Variants in LINGO3 observed in about 807,000 individuals in gnomAD.
LINGO3 encodes leucine rich repeat and Ig domain containing 3.
For missense variants in LINGO3, 750 were observed against 867.7 expected (o/e 0.86, Z 1.70); for synonymous variants, 427 against 444.2 (o/e 0.96, Z 0.49).
chr19:2,296,528 G>A (rs2025573260), upstream of LINGO3, among the ~76,000 whole-genome samples: 1 of 151,978 alleles, frequency 6.6e-6, no homozygotes, highest in South Asian at 2.1e-4. Context: ...GCCTGGGCTG[G>A]AATGCAATGG....
At position 2,291,633 on chromosome 19, in the gene LINGO3, C is replaced by G. The variant is rs763049878; in HGVS notation, c.144G>C (p.Val48=). 7 of 1,448,984 alleles carry G rather than the reference C, an allele frequency of 4.8e-6. No homozygotes were observed. The South Asian group carries it at 9.8e-5, about 20-fold the overall frequency. The allele number at this position is 1,448,984 out of a possible 1,614,324, so 89.8% of individuals were successfully genotyped here. Residue 48 remains valine, a synonymous_variant, in exon 1 of 1, where the codon GTG becomes GTC. Coordinates refer to ENST00000585527, the Ensembl canonical transcript of LINGO3. ...GGGTCTCGGCCGGGATGCCGTCGGG[C>G]ACGGCGGTCAGGCGGCGGCGCGTGC...
At chr19:2,302,654 C>CCGGTCT in the LINGO3 span, among the ~76,000 whole-genome samples, 6 of 152,232 alleles carry the variant, frequency 3.9e-5, no homozygotes, top group Non-Finnish European at 8.8e-5. Context: ...GCTCTGCTGC[C>CCGGTCT]CGGTCTCGGG....
the LINGO3 span, among the ~76,000 whole-genome samples, chr19:2,300,019 G>GCC: frequency 8.0e-6 from 1 of 125,058 alleles, no homozygotes; most frequent in South Asian, 2.8e-4. Flanking sequence ...CACATGCCTG[G>GCC]CCTCTTTTTT....
chr19:2,304,710 C>CTTTTTTTTT, the LINGO3 span, among the ~76,000 whole-genome samples: 7 of 73,212 alleles, frequency 9.6e-5, 1 homozygote, highest in Non-Finnish European at 1.5e-4. Context: ...CCATGTCCTG[C>CTTTTTTTTT]TTTTTTTTTT....
rs2145085502 is a variant in LINGO3 at position 2,290,487 on chromosome 19, G to A, written c.1290C>T (p.Arg430=). Residue 430 remains arginine (R), a synonymous_variant, in exon 1 of 1, where the codon CGC becomes CGT. Transcript: ENST00000585527. The surrounding 1 kb of genome is among the most constrained non-coding windows in gnomAD (Gnocchi z 6.0). The stretch of plus-strand genomic sequence containing the variant: ...CGGTGGGCGCCGGCTCGCCCTCGGC[G>A]CGGCAGAGGAAGCGGACGTCTTCGC... 6.7e-7 allele frequency: 1 copy of A among 1,481,980 alleles called. No individual in the cohort carries two copies. Among genetic ancestry groups the A allele is most frequent in the Non-Finnish European group, 8.9e-7 (1 of 1,121,746 alleles). The allele number at this position is 1,481,980 out of a possible 1,614,324, so 91.8% of individuals were successfully genotyped here.
At chr19:2,305,247 C>T in the LINGO3 span, among the ~76,000 whole-genome samples, 56 of 152,228 alleles carry the variant, frequency 3.7e-4, no homozygotes, top group African/African-American at 1.3e-3. Context: ...GCACCAACCA[C>T]GGTGCAGGCA....
chr19:2,288,793 T>A (rs1388836119), downstream of LINGO3, among the ~76,000 whole-genome samples: 1 of 152,154 alleles, frequency 6.6e-6, no homozygotes, highest in African/African-American at 2.4e-5. The surrounding 1 kb of genome is among the most constrained non-coding windows in gnomAD (Gnocchi z 6.5). Context: ...GAGCAGGCGC[T>A]GGGGTGGGCT....
At chr19:2,293,652 G>A (rs182187970), upstream of LINGO3, among the ~76,000 whole-genome samples, 42 of 151,418 alleles carry the variant, frequency 2.8e-4, no homozygotes, top group African/African-American at 8.7e-4. Context: ...GAGCCACCGC[G>A]CCCGTCCGTG....
At position 2,290,294 on chromosome 19, in the gene LINGO3, G is replaced by A. The variant is rs1171838015; in HGVS notation, c.1483C>T (p.Leu495=). ...GCGGCCGGCTCGGGGCGCACGGTCAGCGTGGCGAAGTAGGTGTCGTTGCCG... is the reference window on the plus strand; with the variant it reads ...GCGGCCGGCTCGGGGCGCACGGTCAACGTGGCGAAGTAGGTGTCGTTGCCG... The change falls in exon 1 of 1, where the codon CTG becomes TTG. Residue 495 remains leucine, a synonymous_variant. Transcript: ENST00000585527. This position sits in a 1 kb window ranked among gnomAD's most constrained non-coding sequence, Gnocchi z 6.0. 6.3e-7 allele frequency: 1 copy of A among 1,580,682 alleles called. No individual in the cohort carries two copies. The highest frequency in any genetic ancestry group is 1.4e-5 in the African/African-American group (1 of 73,968).
chr19:2,291,786 C>A, exon 1 of LINGO3: 2 of 1,428,526 alleles, frequency 1.4e-6, no homozygotes, highest in Non-Finnish European at 9.1e-7. Flanking sequence ...TGGTGCGGAG[C>A]GTGGGCCTAG....
rs1006857926 is a variant in LINGO3 at position 2,290,025 on chromosome 19, C to A, written c.1752G>T (p.Ala584=). 5.2e-6 allele frequency: 8 copies of A among 1,545,628 alleles called. No homozygotes were observed. The highest frequency in any genetic ancestry group is 1.4e-5 in the African/African-American group (1 of 72,532). Residue 584 remains alanine, a synonymous_variant, in exon 1 of 1, where the codon GCG becomes GCT. Transcript: ENST00000585527. This position sits in a 1 kb window ranked among gnomAD's most constrained non-coding sequence, Gnocchi z 6.0. ...AGATCATCTTCATGTTGAACTTGCG[C>A]GCGCCTCCCTGGCCCGCCGCGGCGG...
At chr19:2,291,530 G>T (rs1254453297) in exon 1 of LINGO3, 2 of 1,606,360 alleles carry the variant, frequency 1.2e-6, no homozygotes, top group Non-Finnish European at 1.7e-6. Context: ...CTCAGGTCCA[G>T]CTCCTCCAGC....
At chr19:2,300,721 C>T in the LINGO3 span, among the ~76,000 whole-genome samples, 1 of 152,160 alleles carries the variant, frequency 6.6e-6, no homozygotes, top group African/African-American at 2.4e-5. Flanking sequence ...GGCCTCCGTC[C>T]CCCACCCCGA....
the LINGO3 span, among the ~76,000 whole-genome samples, chr19:2,302,796 A>T: frequency 1.8e-4 from 27 of 152,224 alleles, 1 homozygote; most frequent in African/African-American, 6.3e-4. Flanking sequence ...GGCCGGCGGC[A>T]GGGACGGCGT....
At chr19:2,298,858 C>G in the LINGO3 span, among the ~76,000 whole-genome samples, 1 of 152,064 alleles carries the variant, frequency 6.6e-6, no homozygotes, top group African/African-American at 2.4e-5. Flanking sequence ...TTTTTTAAAG[C>G]AGTTCCCATA....
the LINGO3 span, among the ~76,000 whole-genome samples, chr19:2,306,002 T>C: frequency 2.0e-5 from 3 of 152,230 alleles, no homozygotes; most frequent in South Asian, 6.2e-4. Context: ...CGTCAACCCC[T>C]CGAGGGGCTG....
At chr19:2,294,809 G>A (rs974246064), upstream of LINGO3, among the ~76,000 whole-genome samples, 12 of 152,146 alleles carry the variant, frequency 7.9e-5, no homozygotes, top group Admixed American at 4.6e-4. The surrounding 1 kb of genome is among the most constrained non-coding windows in gnomAD (Gnocchi z 4.3). Flanking sequence ...CTGGGGTGGC[G>A]GGTGGAGGTG....
At chr19:2,287,428 GA>G (rs2025478289), downstream of LINGO3, among the ~76,000 whole-genome samples, 1 of 152,094 alleles carries the variant, frequency 6.6e-6, no homozygotes, top group South Asian at 2.1e-4. The surrounding 1 kb of genome is among the most constrained non-coding windows in gnomAD (Gnocchi z 4.5). Context: ...CAGGTGCTAA[GA>G]AAAAAATTGG....
the LINGO3 span, among the ~76,000 whole-genome samples, chr19:2,307,303 C>T: frequency 6.6e-6 from 1 of 152,212 alleles, no homozygotes; most frequent in Non-Finnish European, 1.5e-5. Context: ...ACACCGGCAC[C>T]GTTAGCGCCC....
Sources: gnomAD v4.1 joint callset for allele counts (sites outside exome capture counted in the v4.1 genomes callset) on GRCh38, gnomAD v4.1.1 for gene constraint, Gnocchi (gnomAD v3.1) non-coding constraint, MANE v1.5 for transcripts, NCBI Gene and HGNC (gene_info 2026-07-23, HGNC 2026-07-21) for gene names.